CSMD1: variants seen among roughly 807,000 people sequenced by gnomAD.
The protein encoded by CSMD1 is CUB and Sushi multiple domains 1.
In CSMD1, 213 loss-of-function variants were observed where a neutral mutation model predicts 417.5. The ratio of observed to expected loss-of-function variants is 0.51; its 90% confidence interval spans 0.46 to 0.57. The LOEUF is 0.57. Ranked by LOEUF, CSMD1 falls within the 20% of genes least tolerant of loss-of-function variation. CSMD1 has a pLI of 0.00. For synonymous variants in CSMD1, 2,862 were observed against 1,736.8 expected (o/e 1.65, Z -16.11); for missense variants, 6,923 against 4,529.7 (o/e 1.53, Z -15.17).
intron 27 of CSMD1, among the ~76,000 whole-genome samples, chr8:3,228,720 C>G (rs1798657996): frequency 6.6e-6 from 1 of 151,598 alleles, no homozygotes; most frequent in South Asian, 2.1e-4. Flanking sequence ...AAGGGATTAA[C>G]TCGTAGTTAT....
intron 2 of CSMD1, among the ~76,000 whole-genome samples, chr8:4,629,883 C>G (rs1476335054): frequency 6.6e-6 from 1 of 152,124 alleles, no homozygotes; most frequent in Non-Finnish European, 1.5e-5. Context: ...TTGTGTAAAT[C>G]TGAATGCTTT....
intron 23 of CSMD1, among the ~76,000 whole-genome samples, chr8:3,321,976 G>A (rs1344832097): frequency 6.6e-6 from 1 of 152,192 alleles, no homozygotes; most frequent in Non-Finnish European, 1.5e-5. Flanking sequence ...TTCATAAAGT[G>A]TTTTTCTGAA....
intron 3 of CSMD1, among the ~76,000 whole-genome samples, chr8:4,379,672 T>C (rs1314389878): frequency 6.6e-6 from 1 of 150,496 alleles, no homozygotes; most frequent in African/African-American, 2.4e-5. Flanking sequence ...AATTAGTTCT[T>C]ACAGGGGAAG....
chr8:4,714,717 T>C (rs1340980655), intron 1 of CSMD1, among the ~76,000 whole-genome samples: 2 of 152,168 alleles, frequency 1.3e-5, no homozygotes, highest in Non-Finnish European at 2.9e-5. Flanking sequence ...AGAATACAAA[T>C]TTCCACTTGT....
At chr8:3,507,991 T>A (rs1258080441) in intron 10 of CSMD1, among the ~76,000 whole-genome samples, 1 of 152,242 alleles carries the variant, frequency 6.6e-6, no homozygotes, top group East Asian at 1.9e-4. Context: ...TCTTTTGCTG[T>A]GCAGAGGCTC....
At chr8:2,968,242 G>C (rs546010822) in intron 57 of CSMD1, among the ~76,000 whole-genome samples, 6 of 152,224 alleles carry the variant, frequency 3.9e-5, no homozygotes, top group African/African-American at 1.4e-4. Flanking sequence ...AACAGGTACT[G>C]TGTGGATGGG....
chr8:3,962,113 T>A (rs2140341), intron 5 of CSMD1, among the ~76,000 whole-genome samples: 4 of 151,906 alleles, frequency 2.6e-5, no homozygotes, highest in Non-Finnish European at 5.9e-5. Flanking sequence ...AGCCAGGACC[T>A]TCCTCCTCTT....
At chr8:4,828,698 C>A (rs1405340798) in intron 1 of CSMD1, among the ~76,000 whole-genome samples, 1 of 152,106 alleles carries the variant, frequency 6.6e-6, no homozygotes, top group African/African-American at 2.4e-5. Context: ...TAAAAGTCAA[C>A]CTGGCATGAC....
intron 1 of CSMD1, among the ~76,000 whole-genome samples, chr8:4,836,290 T>C (rs1472765568): frequency 6.6e-6 from 1 of 152,186 alleles, no homozygotes; most frequent in Non-Finnish European, 1.5e-5. Flanking sequence ...ACTACCTTCT[T>C]CCCCTAAGAT....
At position 4,571,586 on chromosome 8, in the gene CSMD1, T is replaced by C. The variant is rs1192425509; in HGVS notation, c.302+65756A>G. ...ATTATGTGGTCCATTTTAGAATAAG[T>C]GCTATGTGGTGCTGAGAAGAATGTG... On this transcript the variant is annotated intron_variant, in intron 2 of 69. Coordinates refer to ENST00000635120, the MANE Select transcript of CSMD1 (RefSeq NM_033225.6). Among the ~76,000 whole-genome samples the C allele has an allele frequency of 3.3e-5, 5 of 152,202 alleles. 1 individual carries two copies. In the South Asian group the frequency reaches 6.2e-4, roughly 19 times the overall value.
At chr8:3,393,332 C>T (rs1811461067) in intron 17 of CSMD1, among the ~76,000 whole-genome samples, 1 of 152,192 alleles carries the variant, frequency 6.6e-6, no homozygotes, top group Admixed American at 6.5e-5. Context: ...CAGCTACCTC[C>T]TGAGACTTCC....
At chr8:3,240,767 CCA>C (rs1799445326) in intron 26 of CSMD1, among the ~76,000 whole-genome samples, 1 of 151,764 alleles carries the variant, frequency 6.6e-6, no homozygotes, top group Non-Finnish European at 1.5e-5. Flanking sequence ...GGGTTTGGCA[CCA>C]CTGGGTGGAT....
At chr8:3,323,617 AAG>A (rs984129708) in intron 23 of CSMD1, among the ~76,000 whole-genome samples, 3 of 152,226 alleles carry the variant, frequency 2.0e-5, no homozygotes, top group African/African-American at 7.2e-5. Context: ...TTTCAGTACT[AAG>A]AGTTTTCAAA....
chr8:4,117,721 C>A (rs1585350468), intron 3 of CSMD1, among the ~76,000 whole-genome samples: 1 of 152,092 alleles, frequency 6.6e-6, no homozygotes, highest in Non-Finnish European at 1.5e-5. Context: ...CATCACATAG[C>A]TTTTAGAGAA....
intron 23 of CSMD1, among the ~76,000 whole-genome samples, chr8:3,324,417 T>C (rs1231015122): frequency 7.3e-6 from 1 of 136,856 alleles, no homozygotes; most frequent in East Asian, 2.4e-4. Context: ...ACTGTTAAAA[T>C]AGGCCCACAC....
chr8:3,643,354 A>G (rs1797400791), intron 7 of CSMD1, among the ~76,000 whole-genome samples: 2 of 152,270 alleles, frequency 1.3e-5, no homozygotes, highest in South Asian at 2.1e-4. Context: ...CACTGAAGAA[A>G]TGGGGTTTAC....
rs1806927903 is a variant in CSMD1 at position 3,890,892 on chromosome 8, T to C, written c.818+107011A>G. On this transcript the variant is annotated intron_variant, in intron 5 of 69. Transcript: ENST00000635120. ...ATGAAAGAGCAAGATTTCTTGAGTG[T>C]GCTAGCTACTCTCTCATAGGACTAT... 2.0e-5 allele frequency among the ~76,000 whole-genome samples: 3 copies of C among 152,272 alleles called. No homozygotes were observed. In the South Asian group the frequency reaches 6.2e-4, roughly 32 times the overall value.
At chr8:4,421,502 G>C (rs1327218922) in intron 2 of CSMD1, among the ~76,000 whole-genome samples, 1 of 151,906 alleles carries the variant, frequency 6.6e-6, no homozygotes, top group African/African-American at 2.4e-5. Context: ...ACCACACAGT[G>C]GAATCAAATT....
chr8:4,643,838 G>A (rs936554496), intron 1 of CSMD1, among the ~76,000 whole-genome samples: 17 of 152,266 alleles, frequency 1.1e-4, no homozygotes, highest in African/African-American at 4.1e-4. Context: ...CGGGGACTTC[G>A]ATTAAGGGTT....
Sources: gnomAD v4.1 joint callset for allele counts (sites outside exome capture counted in the v4.1 genomes callset) on GRCh38, gnomAD v4.1.1 for gene constraint, MANE v1.5 for transcripts, NCBI Gene and HGNC (gene_info 2026-07-23, HGNC 2026-07-21) for gene names.